The following AP1M1 variants were observed in gnomAD, a reference collection of about 807,000 sequenced individuals.
AP1M1 encodes the protein adaptor related protein complex 1 subunit mu 1.
In AP1M1, 18 loss-of-function variants were observed where a neutral mutation model predicts 57.1. That is an observed-to-expected ratio of 0.32 (90% CI 0.22 to 0.47). The LOEUF (loss-of-function observed/expected upper bound fraction) is 0.47, where lower values mean the gene tolerates loss of function less well. Among genes scored for constraint, AP1M1 ranks in the 20% least tolerant of loss-of-function variants. The pLI is 1.00. For synonymous variants in AP1M1, 241 were observed against 237.9 expected (o/e 1.01, Z -0.12); for missense variants, 362 against 593.5 (o/e 0.61, Z 4.05).
At chr19:16,216,500 A>G (rs2091519813) in intron 5 of AP1M1, among the ~76,000 whole-genome samples, 1 of 151,674 alleles carries the variant, frequency 6.6e-6, no homozygotes, top group Non-Finnish European at 1.5e-5. Flanking sequence ...AGGAAAGAGG[A>G]CACTCTGGTT....
At chr19:16,213,878 AT>A (rs1306141803) in intron 5 of AP1M1, among the ~76,000 whole-genome samples, 1 of 152,180 alleles carries the variant, frequency 6.6e-6, no homozygotes, top group Non-Finnish European at 1.5e-5. Flanking sequence ...TAATTGGGGC[AT>A]TTAGCCCATT....
Position 16,201,986 on chromosome 19 carries a change from G to A in AP1M1, c.43-1473G>A, listed in dbSNP as rs146885632. Reference sequence around the variant, plus strand: ...AGTTCAGCAGTGGGGGAGAGACCCCGTCTGGCTTCTGTGTAGGAAGAGCCC... The same window carrying A: ...AGTTCAGCAGTGGGGGAGAGACCCCATCTGGCTTCTGTGTAGGAAGAGCCC... On this transcript the variant is annotated intron_variant, in intron 1 of 11. Transcript: ENST00000291439. 4.6e-3 allele frequency among the ~76,000 whole-genome samples: 697 copies of A among 152,266 alleles called. 5 individuals carry two copies. Among genetic ancestry groups the A allele is most frequent in the African/African-American group, 0.015 (636 of 41,548 alleles).
intron 9 of AP1M1, among the ~76,000 whole-genome samples, chr19:16,230,151 C>T (rs557059313): frequency 3.3e-5 from 5 of 152,222 alleles, no homozygotes; most frequent in South Asian, 2.1e-4. Context: ...GTAGATTTTA[C>T]TTCGAAGCCA....
intron 1 of AP1M1, among the ~76,000 whole-genome samples, chr19:16,202,298 G>T (rs1349934425): frequency 6.6e-6 from 1 of 152,218 alleles, no homozygotes; most frequent in African/African-American, 2.4e-5. Context: ...TGTCCTGCAG[G>T]CCCCAAGAGC....
chr19:16,233,797 C>T (rs912801016), intron 10 of AP1M1, among the ~76,000 whole-genome samples, 179 bp downstream of exon 10: 2 of 152,158 alleles, frequency 1.3e-5, no homozygotes, highest in African/African-American at 4.8e-5. Flanking sequence ...CAGCCCTGAC[C>T]CCTGAGCTCA....
intron 4 of AP1M1, 95 bp downstream of exon 4, chr19:16,208,244 C>A: frequency 7.3e-7 from 1 of 1,376,130 alleles, no homozygotes; most frequent in Non-Finnish European, 9.8e-7. Flanking sequence ...AATTTGTGTT[C>A]ATGTTGTCCC....
intron 2 of AP1M1, among the ~76,000 whole-genome samples, chr19:16,204,576 C>G (rs1045495073): frequency 2.6e-5 from 4 of 152,218 alleles, no homozygotes; most frequent in African/African-American, 9.6e-5. Flanking sequence ...TTCTTGGAGA[C>G]ACTTGGGGCC....
At chr19:16,214,565 T>C (rs2091509679) in intron 5 of AP1M1, among the ~76,000 whole-genome samples, 1 of 151,384 alleles carries the variant, frequency 6.6e-6, no homozygotes, top group Non-Finnish European at 1.5e-5. Flanking sequence ...TTGGCCAGAC[T>C]GGTGTCGAAC....
chr19:16,226,350 C>T (rs1198068181), intron 5 of AP1M1, 71 bp from the exon 6 acceptor site: 5 of 1,487,936 alleles, frequency 3.4e-6, no homozygotes, highest in Non-Finnish European at 4.5e-6. Context: ...GCCAGAGGGT[C>T]ACATGATGTG....
rs1203955710 is a variant in AP1M1 at position 16,198,041 on chromosome 19, C to T, written c.15C>T (p.Ala5=). 9 of 1,602,436 alleles carry T rather than the reference C, an allele frequency of 5.6e-6. No homozygotes were observed. Among genetic ancestry groups the T allele is most frequent in the Non-Finnish European group, 7.6e-6 (9 of 1,177,262 alleles). MSAS[A]VYVLDLKGKV... is the part of the protein sequence containing the mutation. ...CTGCAGCCATCATGTCCGCCAGCGC[C>T]GTCTACGTGCTGGACCTGAAGGGCA... is the stretch of plus-strand genomic sequence containing the variant. Residue 5 remains alanine (A), a synonymous_variant, in exon 1 of 12, where the codon GCC becomes GCT. Transcript: ENST00000291439.
intron 5 of AP1M1, among the ~76,000 whole-genome samples, chr19:16,217,382 T>G (rs1599459700): frequency 6.6e-6 from 1 of 151,892 alleles, no homozygotes; most frequent in South Asian, 2.1e-4. Context: ...TGGGGAAGGG[T>G]GGGCTAGGTC....
chr19:16,210,073 T>G (rs2091487177), intron 5 of AP1M1, among the ~76,000 whole-genome samples: 1 of 152,222 alleles, frequency 6.6e-6, no homozygotes, highest in Admixed American at 6.5e-5. Context: ...TGGCATCATA[T>G]GTCACCGCAG....
At chr19:16,225,454 G>A (rs759537489) in intron 5 of AP1M1, among the ~76,000 whole-genome samples, 5 of 152,194 alleles carry the variant, frequency 3.3e-5, no homozygotes, top group African/African-American at 4.8e-5. Context: ...CCCTCAGCAC[G>A]GGGCCTCTGA....
intron 5 of AP1M1, among the ~76,000 whole-genome samples, chr19:16,217,860 G>A (rs1599460002): frequency 6.6e-6 from 1 of 152,166 alleles, no homozygotes; most frequent in Non-Finnish European, 1.5e-5. Flanking sequence ...CCTGAGGTAG[G>A]AGGCAGAACT....
At chr19:16,208,478 A>T (rs2091479570) in intron 4 of AP1M1, among the ~76,000 whole-genome samples, 1 of 152,118 alleles carries the variant, frequency 6.6e-6, no homozygotes, top group African/African-American at 2.4e-5. Context: ...CCTCTTTGGA[A>T]TCCTGCCCTT....
intron 5 of AP1M1, among the ~76,000 whole-genome samples, chr19:16,215,009 A>G (rs996110948): frequency 1.3e-5 from 2 of 151,472 alleles, no homozygotes; most frequent in Non-Finnish European, 2.9e-5. Flanking sequence ...TCGGCCTCCT[A>G]AAGTGCTGGG....
chr19:16,212,405 T>A (rs1461520312), intron 5 of AP1M1, among the ~76,000 whole-genome samples: 2 of 152,220 alleles, frequency 1.3e-5, no homozygotes, highest in Non-Finnish European at 2.9e-5. Flanking sequence ...TTAATAATAG[T>A]CTCTAAGGGT....
At chr19:16,218,192 G>T (rs1051774298) in intron 5 of AP1M1, among the ~76,000 whole-genome samples, 1 of 152,238 alleles carries the variant, frequency 6.6e-6, no homozygotes, top group African/African-American at 2.4e-5. Context: ...TCCATAGGGA[G>T]CAGTGCCTCT....
intron 9 of AP1M1, among the ~76,000 whole-genome samples, chr19:16,229,879 G>A (rs1334300444): frequency 6.6e-6 from 1 of 152,188 alleles, no homozygotes; most frequent in Non-Finnish European, 1.5e-5. Flanking sequence ...TGGCGCTGCG[G>A]CAGAGCGTTT....
Sources: allele counts gnomAD v4.1 joint callset (sites outside exome capture counted in the v4.1 genomes callset), GRCh38; gene constraint gnomAD v4.1.1; transcripts MANE v1.5; gene names NCBI Gene and HGNC (gene_info 2026-07-23, HGNC 2026-07-21).